The following PHKB variants were observed in gnomAD, a reference collection of about 807,000 sequenced individuals.
The protein encoded by PHKB is phosphorylase kinase regulatory subunit beta.
A neutral mutation model predicts 152.1 loss-of-function variants in PHKB; 122 were observed. The ratio of observed to expected loss-of-function variants is 0.80; its 90% CI spans 0.69 to 0.93. The LOEUF (loss-of-function observed/expected upper bound fraction) is 0.93. PHKB is among the 40% of genes least tolerant of loss of function. PHKB has a pLI of 0.00. For missense variants in PHKB, 1,304 were observed against 1,328.4 expected (o/e 0.98, Z 0.29); for synonymous variants, 436 against 464.9 (o/e 0.94, Z 0.80).
chr16:47,602,996 T>A (rs1002662177), intron 13 of PHKB, among the ~76,000 whole-genome samples: 1 of 152,220 alleles, frequency 6.6e-6, no homozygotes, highest in African/African-American at 2.4e-5. Flanking sequence ...TTCCAGTGTA[T>A]GTAACAAAAA....
intron 14 of PHKB, among the ~76,000 whole-genome samples, chr16:47,613,659 AAATTTTGTGT>A (rs1972466752): frequency 6.6e-6 from 1 of 152,108 alleles, no homozygotes. Context: ...CATTTTATTA[AAATTTTGTGT>A]AATTTTGTGT....
intron 1 of PHKB, chr16:47,463,359 T>C (rs1194056397): frequency 1.3e-5 from 2 of 155,264 alleles, no homozygotes; most frequent in East Asian, 1.9e-4. Flanking sequence ...GTTTACATCA[T>C]AGTAGTAAAG....
rs1049845939 is a variant in PHKB, at chr16:47,692,452, C to CA, written c.2766-920dup. ...ACAACATAGCCAGACCCCATCTCAA[C>CA]AAAAAATTTAAAAATTAACCAGACA... On this transcript the variant is annotated intron_variant, in intron 27 of 30. Coordinates refer to ENST00000323584, the MANE Select transcript of PHKB (RefSeq NM_000293.3). Among the ~76,000 whole-genome samples the CA allele has an allele frequency of 3.8e-4, 58 of 152,080 alleles. 1 individual carries two copies. The highest frequency in any genetic ancestry group is 1.2e-3 in the African/African-American group (49 of 41,504).
At chr16:47,586,839 T>C (rs949104863) in intron 8 of PHKB, among the ~76,000 whole-genome samples, 4 of 152,238 alleles carry the variant, frequency 2.6e-5, no homozygotes, top group Admixed American at 6.5e-5. Flanking sequence ...TGCACTAGTT[T>C]TAACCTGGTT....
At chr16:47,677,917 C>T (rs1406052284) in intron 26 of PHKB, among the ~76,000 whole-genome samples, 1 of 126,706 alleles carries the variant, frequency 7.9e-6, no homozygotes, top group Non-Finnish European at 1.7e-5. Flanking sequence ...TATCCCTCCC[C>T]CCTCCCCCGA....
intron 7 of PHKB, among the ~76,000 whole-genome samples, chr16:47,579,199 A>G (rs1297314988): frequency 6.6e-6 from 1 of 152,198 alleles, no homozygotes; most frequent in East Asian, 1.9e-4. Context: ...CCATCCATGT[A>G]TCTTTAAAAT....
intron 7 of PHKB, among the ~76,000 whole-genome samples, chr16:47,559,120 A>G (rs936393240): frequency 4.6e-5 from 7 of 152,304 alleles, no homozygotes; most frequent in African/African-American, 1.4e-4. Flanking sequence ...TTGGGGCCTA[A>G]GGGAGCTCCT....
chr16:47,587,432 A>G (rs952056535), intron 8 of PHKB, among the ~76,000 whole-genome samples: 1 of 152,196 alleles, frequency 6.6e-6, no homozygotes, highest in Non-Finnish European at 1.5e-5. Flanking sequence ...GATTTATAAG[A>G]AAGTCAAGGA....
At chr16:47,698,940 G>A (rs769298753) in intron 30 of PHKB, among the ~76,000 whole-genome samples, 10 of 152,148 alleles carry the variant, frequency 6.6e-5, no homozygotes, top group African/African-American at 9.6e-5. Context: ...TTGGTGCTGC[G>A]TACTGCCTAA....
At chr16:47,464,604 G>T (rs1969635195) in intron 1 of PHKB, among the ~76,000 whole-genome samples, 1 of 152,142 alleles carries the variant, frequency 6.6e-6, no homozygotes. Flanking sequence ...GTGTGCACAG[G>T]ATTTTGGAAA....
intron 1 of PHKB, among the ~76,000 whole-genome samples, chr16:47,490,830 G>C (rs535733390): frequency 6.6e-6 from 1 of 152,126 alleles, no homozygotes; most frequent in Non-Finnish European, 1.5e-5. Flanking sequence ...AACCCACAGA[G>C]AAACCACATA....
At chr16:47,537,849 G>A (rs1970978433) in intron 6 of PHKB, among the ~76,000 whole-genome samples, 1 of 151,392 alleles carries the variant, frequency 6.6e-6, no homozygotes, top group Non-Finnish European at 1.5e-5. Context: ...TTGTAAGCAG[G>A]TATTGTAAAC....
At chr16:47,665,701 A>G (rs753883039) in intron 25 of PHKB, 161 of 586,178 alleles carry the variant, frequency 2.7e-4, no homozygotes, top group Non-Finnish European at 4.1e-4. Flanking sequence ...AGTGTCATCA[A>G]TAATATTTTT....
intron 29 of PHKB, 64 bp downstream of exon 29, chr16:47,696,552 T>G: frequency 1.1e-6 from 1 of 892,976 alleles, no homozygotes; most frequent in Admixed American, 1.7e-5. Context: ...AAAACTAGTA[T>G]AAGGGAAACT....
At chr16:47,653,642 G>A (rs1322529011) in intron 20 of PHKB, among the ~76,000 whole-genome samples, 1 of 152,050 alleles carries the variant, frequency 6.6e-6, no homozygotes, top group African/African-American at 2.4e-5. Context: ...TTGATTTTAT[G>A]CTTAAGTGTC....
At chr16:47,695,306 G>C (rs547847728) in intron 28 of PHKB, among the ~76,000 whole-genome samples, 1 of 152,248 alleles carries the variant, frequency 6.6e-6, no homozygotes, top group South Asian at 2.1e-4. Context: ...AACCAAGAAA[G>C]GGTCTTCCTT....
intron 25 of PHKB, among the ~76,000 whole-genome samples, chr16:47,668,753 C>A (rs1204546670): frequency 6.6e-6 from 1 of 152,148 alleles, no homozygotes; most frequent in Non-Finnish European, 1.5e-5. Context: ...TCACACCTGC[C>A]TTTGAAAGGT....
intron 10 of PHKB, among the ~76,000 whole-genome samples, chr16:47,592,442 T>G (rs1367162558): frequency 2.6e-5 from 4 of 152,242 alleles, no homozygotes; most frequent in Admixed American, 2.6e-4. Flanking sequence ...TGCTGGTAGA[T>G]TCTTTAACAT....
At chr16:47,661,140 C>T (rs1973436837) in intron 22 of PHKB, among the ~76,000 whole-genome samples, 1 of 152,184 alleles carries the variant, frequency 6.6e-6, no homozygotes, top group Non-Finnish European at 1.5e-5. Context: ...TTCTCCCTTT[C>T]TGCCCCCATC....
Sources: allele counts gnomAD v4.1 joint callset (sites outside exome capture counted in the v4.1 genomes callset), GRCh38; gene constraint gnomAD v4.1.1; transcripts MANE v1.5; gene names NCBI Gene and HGNC (gene_info 2026-07-23, HGNC 2026-07-21).